CELSR1: variants seen among roughly 807,000 people sequenced by gnomAD.
CELSR1 encodes the protein cadherin EGF LAG seven-pass G-type receptor 1, also known as adhesion G protein-coupled receptor C1.
CELSR1 carries 110 observed loss-of-function variants against 249.1 expected under a neutral mutation model. The observed-to-expected ratio is 0.44, with a 90% CI of 0.38 to 0.52. The LOEUF is 0.52. CELSR1 is among the 20% of genes least tolerant of loss of function. The pLI is 0.00. For synonymous variants in CELSR1, 2,113 were observed against 1,900.0 expected (o/e 1.11, Z -2.92); for missense variants, 4,109 against 4,296.4 (o/e 0.96, Z 1.22).
At chr22:46,455,497 T>C (rs564965919) in intron 2 of CELSR1, among the ~76,000 whole-genome samples, 4 of 152,332 alleles carry the variant, frequency 2.6e-5, no homozygotes, top group East Asian at 3.9e-4. Flanking sequence ...CCCAAAGTGA[T>C]AGGATTACAG....
chr22:46,372,828 C>T, intron 25 of CELSR1, 55 bp downstream of exon 25: 1 of 1,548,666 alleles, frequency 6.5e-7, no homozygotes, highest in Non-Finnish European at 8.7e-7. Context: ...TCCTGCACAG[C>T]TGGGGTCTGT....
chr22:46,369,028 C>G (rs2078819841), intron 27 of CELSR1, 151 bp downstream of exon 27: 1 of 687,604 alleles, frequency 1.5e-6, no homozygotes, highest in Non-Finnish European at 2.5e-6. Flanking sequence ...CGTGGCAAAC[C>G]TCTCTGGAGC....
rs1175197834 is a variant in CELSR1 at position 46,448,443 on chromosome 22, C to T, written c.4184-9032G>A. 1 of 327,758 alleles carries T rather than the reference C, an allele frequency of 3.1e-6. No individual in the cohort carries two copies. Among genetic ancestry groups the T allele is most frequent in the Non-Finnish European group, 6.0e-6 (1 of 167,598 alleles). 20.3% of individuals were successfully genotyped at this position (327,758 alleles called of 1,614,324 possible). ...AGGGGGCACAGCAGGCAGAGAACCT[C>T]AGGACCTGGGGGAGGGCTGGGAACG... On this transcript the variant is annotated intron_variant, in intron 2 of 34. Transcript: ENST00000674500. This position sits in a 1 kb window ranked among gnomAD's most constrained non-coding sequence, Gnocchi z 5.7.
At position 46,453,578 on chromosome 22, in the gene CELSR1, C is replaced by T. The variant is rs187929282; in HGVS notation, c.4183+10129G>A. Among the ~76,000 whole-genome samples, 408 of 152,328 alleles carry T rather than the reference C, an allele frequency of 2.7e-3. 2 individuals carry two copies. The highest frequency in any genetic ancestry group is 4.3e-3 in the Non-Finnish European group (292 of 68,030). On this transcript the variant is annotated intron_variant, in intron 2 of 34. Transcript: ENST00000674500. ...CCAGAGGTGCGTGATTAACCTGGCC[C>T]CTGGCCCCCAGGAGCAGGACAGAGG...
chr22:46,522,592 A>G (rs1442544969), intron 1 of CELSR1, among the ~76,000 whole-genome samples: 1 of 152,192 alleles, frequency 6.6e-6, no homozygotes, highest in Admixed American at 6.6e-5. Context: ...CCCTTATCAC[A>G]TATAGGATTT....
intron 29 of CELSR1, among the ~76,000 whole-genome samples, chr22:46,366,765 C>G (rs1375354517): frequency 2.6e-5 from 4 of 152,140 alleles, no homozygotes; most frequent in African/African-American, 9.7e-5. Flanking sequence ...CCCTCTCTTT[C>G]TAAGGCCTGG....
At position 46,367,832 on chromosome 22, in the gene CELSR1, A is replaced by G. The variant is rs991274951; in HGVS notation, c.7976T>C (p.Leu2659Pro). ...GIVSLLRTAF[L>P]LLLLISATWL... Reference sequence around the variant, plus strand: ...GGTGGCGCTGATGAGCAGCAGCAGGAGGAATGCGGTCCTCAGCAGGGAGCT... The same window carrying G: ...GGTGGCGCTGATGAGCAGCAGCAGGGGGAATGCGGTCCTCAGCAGGGAGCT... The change falls in exon 28 of 35, where the codon CTC (leucine) becomes CCC (proline). Residue 2659 changes from leucine to proline, a missense_variant. Transcript: ENST00000674500. 6.2e-7 allele frequency: 1 copy of G among 1,611,410 alleles called. No homozygotes were observed. Among genetic ancestry groups the G allele is most frequent in the African/African-American group, 1.3e-5 (1 of 75,044 alleles).
At position 46,391,700 on chromosome 22, in the gene CELSR1, G is replaced by A. The variant is rs1228051641; in HGVS notation, c.6081C>T (p.Gly2027=). 6.2e-6 allele frequency: 10 copies of A among 1,610,532 alleles called. No homozygotes were observed. The highest frequency in any genetic ancestry group is 2.2e-5 in the South Asian group (2 of 90,694). ...MATGQCACKP[G]VIGRQCNRCD... is the part of the protein sequence containing the mutation. The stretch of plus-strand genomic sequence containing the variant: ...AGCGGTTGCACTGGCGGCCGATGAC[G>A]CCGGGCTTGCAGGCACACTGCCCGG... Residue 2027 remains glycine (G), a synonymous_variant, in exon 15 of 35, where the codon GGC becomes GGT. Coordinates refer to ENST00000674500, the MANE Select transcript of CELSR1 (RefSeq NM_001378328.1). The surrounding 1 kb of genome is among the most constrained non-coding windows in gnomAD (Gnocchi z 4.3).
chr22:46,507,937 C>T (rs974717335), intron 1 of CELSR1, among the ~76,000 whole-genome samples: 8 of 152,298 alleles, frequency 5.3e-5, no homozygotes, highest in Admixed American at 3.3e-4. Context: ...CGTCCTGTGC[C>T]GTGGCCACCC....
At chr22:46,479,458 G>A (rs2080244277) in intron 1 of CELSR1, among the ~76,000 whole-genome samples, 2 of 152,088 alleles carry the variant, frequency 1.3e-5, no homozygotes, top group South Asian at 4.1e-4. Context: ...CTCGTCTTTG[G>A]GAAAAAGCTA....
Position 46,439,306 on chromosome 22 carries a change from C to T in CELSR1, c.4289G>A (p.Cys1430Tyr). The T allele has an allele frequency of 6.2e-7, 1 of 1,614,042 alleles. No homozygotes were observed. Among genetic ancestry groups the T allele is most frequent in the Non-Finnish European group, 8.5e-7 (1 of 1,179,978 alleles). ...GGGCCTCTCATACTCGCCAGGAGGACACACGCAGTGGAAGCCGCCGATGAG... is the reference window on the plus strand; with the variant it reads ...GGGCCTCTCATACTCGCCAGGAGGATACACGCAGTGGAAGCCGCCGATGAG... ...NLLIGGFHCV[C>Y]PPGEYERPYC... is the part of the protein sequence containing the mutation. Residue 1430 changes from cysteine to tyrosine, a missense_variant, in exon 3 of 35, where the codon TGT (cysteine) becomes TAT (tyrosine). This residue lies in a region of CELSR1 where 453 missense variants were observed against 492.0 expected (regional missense o/e 0.92). Transcript: ENST00000674500.
chr22:46,370,779 T>C (rs1186629722), intron 25 of CELSR1, among the ~76,000 whole-genome samples: 1 of 152,220 alleles, frequency 6.6e-6, no homozygotes. Context: ...AGGGAAGCCC[T>C]GGATGGCCGG....
chr22:46,411,361 G>A lies in CELSR1; in HGVS notation c.4769+241C>T, dbSNP rs11090876. ...CTGGAGACCGTCTCGGGGTCTGCAAGCTGGCCATCACAACCCTGGGGTCGG... is the reference window on the plus strand; with the variant it reads ...CTGGAGACCGTCTCGGGGTCTGCAAACTGGCCATCACAACCCTGGGGTCGG... On this transcript the variant is annotated intron_variant, in intron 6 of 34. Transcript: ENST00000674500. This position sits in a 1 kb window ranked among gnomAD's most constrained non-coding sequence, Gnocchi z 4.2. Among the ~76,000 whole-genome samples, 31,518 of 152,094 alleles carry A rather than the reference G, an allele frequency of 0.21. 5,936 individuals carry two copies. The highest frequency in any genetic ancestry group is 0.51 in the African/African-American group (21,018 of 41,372).
At chr22:46,422,822 T>C (rs1246061988) in intron 5 of CELSR1, among the ~76,000 whole-genome samples, 3 of 151,608 alleles carry the variant, frequency 2.0e-5, no homozygotes, top group Non-Finnish European at 4.4e-5. Context: ...TATATTGTTT[T>C]TTTAAATACA....
intron 28 of CELSR1, among the ~76,000 whole-genome samples, 176 bp from the exon 29 acceptor site, chr22:46,367,294 G>T (rs960271099): frequency 1.3e-5 from 2 of 152,230 alleles, no homozygotes; most frequent in South Asian, 2.1e-4. Flanking sequence ...GAGGCCAGGT[G>T]GGGGAGCTCA....
At position 46,433,335 on chromosome 22, in the gene CELSR1, C is replaced by G; in HGVS notation, c.4611+58G>C. The G allele has an allele frequency of 7.1e-7, 1 of 1,404,074 alleles. No individual in the cohort carries two copies. Among genetic ancestry groups the G allele is most frequent in the East Asian group, 2.4e-5 (1 of 42,132 alleles). 87.0% of individuals were successfully genotyped at this position (1,404,074 alleles called of 1,614,324 possible). On this transcript the variant is annotated intron_variant, in intron 5 of 34. Transcript: ENST00000674500. This position sits in a 1 kb window ranked among gnomAD's most constrained non-coding sequence, Gnocchi z 5.7. ...CAGGCGTGAGCCACTGCGCCTCGCCCCAGGGCACCTTCTCGAGCCGCCCTG... is the reference window on the plus strand; with the variant it reads ...CAGGCGTGAGCCACTGCGCCTCGCCGCAGGGCACCTTCTCGAGCCGCCCTG...
chr22:46,473,190 A>T lies in CELSR1; in HGVS notation c.3545-8845T>A, dbSNP rs899394267. ...GGACAGGACCCACGCACCACGAGGA[A>T]CCATCGCTGGCCCTTGACAGGTGAG... On this transcript the variant is annotated intron_variant, in intron 1 of 34. Coordinates refer to ENST00000674500, the MANE Select transcript of CELSR1 (RefSeq NM_001378328.1). The surrounding 1 kb of genome is among the most constrained non-coding windows in gnomAD (Gnocchi z 6.6). Among the ~76,000 whole-genome samples the T allele has an allele frequency of 2.6e-5, 4 of 152,106 alleles. No homozygotes were observed. Among genetic ancestry groups the T allele is most frequent in the African/African-American group, 9.7e-5 (4 of 41,404 alleles).
chr22:46,417,113 T>C lies in CELSR1; in HGVS notation c.4612-5354A>G, dbSNP rs1293044613. On this transcript the variant is annotated intron_variant, in intron 5 of 34. Coordinates refer to ENST00000674500, the MANE Select transcript of CELSR1 (RefSeq NM_001378328.1). The surrounding 1 kb of genome is among the most constrained non-coding windows in gnomAD (Gnocchi z 4.1). Reference sequence around the variant, plus strand: ...TCTGTACAGAGTCAAACTGCAGCGCTGAACGTTCCATGCTGTCATTTCTCA... The same window carrying C: ...TCTGTACAGAGTCAAACTGCAGCGCCGAACGTTCCATGCTGTCATTTCTCA... Among the ~76,000 whole-genome samples, 1 of 152,188 alleles carries C rather than the reference T, an allele frequency of 6.6e-6. No homozygotes were observed. The highest frequency in any genetic ancestry group is 1.5e-5 in the Non-Finnish European group (1 of 68,026).
chr22:46,448,082 A>T lies in CELSR1; in HGVS notation c.4184-8671T>A, dbSNP rs1343180459. Among the ~76,000 whole-genome samples, 1 of 152,200 alleles carries T rather than the reference A, an allele frequency of 6.6e-6. No individual in the cohort carries two copies. Among genetic ancestry groups the T allele is most frequent in the African/African-American group, 2.4e-5 (1 of 41,450 alleles). On this transcript the variant is annotated intron_variant, in intron 2 of 34. Coordinates refer to ENST00000674500, the MANE Select transcript of CELSR1 (RefSeq NM_001378328.1). This position sits in a 1 kb window ranked among gnomAD's most constrained non-coding sequence, Gnocchi z 5.7. ...CAGAGACCCTAGCACCAAAGCCATC[A>T]ACCCTTGGCCTAAGGGGCTTCCAGA...
Sources: allele counts gnomAD v4.1 joint callset (sites outside exome capture counted in the v4.1 genomes callset), GRCh38; gene constraint gnomAD v4.1.1; regional missense constraint gnomAD v4.1.1; non-coding constraint Gnocchi (gnomAD v3.1); transcripts MANE v1.5; gene names NCBI Gene and HGNC (gene_info 2026-07-23, HGNC 2026-07-21).